Variants in SGCZ observed in about 807,000 individuals in gnomAD.
The protein encoded by SGCZ is zeta-sarcoglycan.
In SGCZ, 40 loss-of-function variants were observed where a neutral mutation model predicts 41.3. The observed-to-expected ratio is 0.97, with a 90% confidence interval of 0.75 to 1.26. The LOEUF (loss-of-function observed/expected upper bound fraction) is 1.26. SGCZ is among the 50% of genes most tolerant of loss of function. The pLI is 0.00. For missense variants in SGCZ, 552 were observed against 369.8 expected (o/e 1.49, Z -4.04); for synonymous variants, 206 against 137.5 (o/e 1.50, Z -3.49).
intron 1 of SGCZ, among the ~76,000 whole-genome samples, chr8:14,690,153 G>T (rs1284031176): frequency 6.6e-6 from 1 of 150,668 alleles, no homozygotes; most frequent in African/African-American, 2.4e-5. Flanking sequence ...TTCTAAAGAG[G>T]TTATTTTGGG....
chr8:14,258,987 A>G (rs1038503543), intron 3 of SGCZ, among the ~76,000 whole-genome samples: 1 of 152,224 alleles, frequency 6.6e-6, no homozygotes, highest in Non-Finnish European at 1.5e-5. Flanking sequence ...AAGCTTAACC[A>G]TCATCACATC....
intron 2 of SGCZ, among the ~76,000 whole-genome samples, chr8:14,467,368 G>C (rs1171436643): frequency 6.6e-6 from 1 of 151,950 alleles, no homozygotes; most frequent in Non-Finnish European, 1.5e-5. Flanking sequence ...CAAAAACAAT[G>C]GCCATTGTCT....
At chr8:14,233,866 G>T (rs556839233) in intron 4 of SGCZ, among the ~76,000 whole-genome samples, 1 of 151,808 alleles carries the variant, frequency 6.6e-6, no homozygotes, top group African/African-American at 2.4e-5. Flanking sequence ...ACTCGTTTAA[G>T]AAAGTTCTTG....
chr8:14,294,048 A>G (rs1047206850), intron 3 of SGCZ, among the ~76,000 whole-genome samples: 1 of 151,862 alleles, frequency 6.6e-6, no homozygotes, highest in African/African-American at 2.4e-5. Flanking sequence ...TGCATATATC[A>G]ACAATATTGA....
intron 5 of SGCZ, among the ~76,000 whole-genome samples, chr8:14,130,637 G>A (rs1023865698): frequency 5.9e-5 from 9 of 152,132 alleles, no homozygotes; most frequent in Non-Finnish European, 1.3e-4. Flanking sequence ...TCCTTGGTGG[G>A]ATTTCCTTTT....
intron 1 of SGCZ, among the ~76,000 whole-genome samples, chr8:14,627,832 G>A (rs566142360): frequency 6.6e-6 from 1 of 152,068 alleles, no homozygotes; most frequent in South Asian, 2.1e-4. Flanking sequence ...AGGCTCTGAC[G>A]TTAACCTGGA....
chr8:14,504,700 G>C (rs1802253872), intron 2 of SGCZ, among the ~76,000 whole-genome samples: 1 of 151,908 alleles, frequency 6.6e-6, no homozygotes, highest in Non-Finnish European at 1.5e-5. Flanking sequence ...TTCTTCAATA[G>C]ATATCTGTTC....
intron 2 of SGCZ, among the ~76,000 whole-genome samples, chr8:14,334,987 C>A (rs959284287): frequency 1.3e-5 from 2 of 152,062 alleles, no homozygotes; most frequent in African/African-American, 4.8e-5. Flanking sequence ...TACAGATATC[C>A]TTCTGAGCTG....
chr8:15,093,725 G>T (rs1181920650), intron 1 of SGCZ, among the ~76,000 whole-genome samples: 1 of 152,086 alleles, frequency 6.6e-6, no homozygotes, highest in African/African-American at 2.4e-5. Context: ...TATCCTCAAG[G>T]TTAATTGATT....
At chr8:14,262,599 T>C (rs933420811) in intron 3 of SGCZ, among the ~76,000 whole-genome samples, 4 of 151,788 alleles carry the variant, frequency 2.6e-5, no homozygotes, top group Non-Finnish European at 5.9e-5. Flanking sequence ...TAAAAGGATA[T>C]ATATATATAA....
At chr8:15,094,998 T>C (rs1450182417) in intron 1 of SGCZ, among the ~76,000 whole-genome samples, 2 of 152,224 alleles carry the variant, frequency 1.3e-5, no homozygotes, top group Non-Finnish European at 2.9e-5. Context: ...GGAGCCACAG[T>C]GTTACCTTCA....
intron 1 of SGCZ, among the ~76,000 whole-genome samples, chr8:14,619,526 G>A (rs1185857352): frequency 1.3e-5 from 2 of 152,158 alleles, no homozygotes; most frequent in Non-Finnish European, 1.5e-5. Context: ...TGACATGACT[G>A]TATATCTAGA....
At chr8:14,410,408 A>AT (rs1018688283) in intron 2 of SGCZ, among the ~76,000 whole-genome samples, 1 of 151,824 alleles carries the variant, frequency 6.6e-6, no homozygotes, top group African/African-American at 2.4e-5. Flanking sequence ...AAGAAAAAAA[A>AT]AAACAGAAAA....
intron 1 of SGCZ, among the ~76,000 whole-genome samples, chr8:14,903,686 G>A (rs997240393): frequency 1.3e-5 from 2 of 151,996 alleles, no homozygotes; most frequent in Admixed American, 1.3e-4. Flanking sequence ...TATTACTGGA[G>A]ACTTATGTAT....
chr8:15,188,732 C>T (rs1335225237), intron 1 of SGCZ, among the ~76,000 whole-genome samples: 1 of 152,030 alleles, frequency 6.6e-6, no homozygotes, highest in Non-Finnish European at 1.5e-5. Flanking sequence ...ATAATAAATA[C>T]ACATGCTGCA....
intron 3 of SGCZ, among the ~76,000 whole-genome samples, chr8:14,312,859 C>T (rs903983929): frequency 9.9e-5 from 15 of 152,116 alleles, no homozygotes; most frequent in African/African-American, 3.6e-4. Flanking sequence ...AACTACACAG[C>T]ATGAATCTGA....
intron 2 of SGCZ, among the ~76,000 whole-genome samples, chr8:14,362,990 C>G (rs1372430955): frequency 6.6e-6 from 1 of 151,932 alleles, no homozygotes; most frequent in East Asian, 1.9e-4. Flanking sequence ...AGATTTTTTT[C>G]AACAAATTTC....
intron 1 of SGCZ, among the ~76,000 whole-genome samples, chr8:14,727,592 G>T (rs78890332): frequency 6.6e-6 from 1 of 150,976 alleles, no homozygotes; most frequent in Non-Finnish European, 1.5e-5. Flanking sequence ...CTCACCACAA[G>T]CTCCGCCTCC....
At chr8:15,146,578 A>T (rs1799042672) in intron 1 of SGCZ, among the ~76,000 whole-genome samples, 1 of 152,302 alleles carries the variant, frequency 6.6e-6, no homozygotes, top group Non-Finnish European at 1.5e-5. Context: ...TAGTTTCAGT[A>T]GTGTATTCTG....
Sources: allele counts gnomAD v4.1 joint callset (sites outside exome capture counted in the v4.1 genomes callset), GRCh38; gene constraint gnomAD v4.1.1; transcripts MANE v1.5; gene names NCBI Gene and HGNC (gene_info 2026-07-23, HGNC 2026-07-21).